STAB1: variants seen among roughly 807,000 people sequenced by gnomAD.
The protein encoded by STAB1 is stabilin-1.
Under a neutral mutation model 332.4 loss-of-function variants are expected in STAB1, and 250 were observed. The ratio of observed to expected loss-of-function variants is 0.75; its 90% confidence interval spans 0.68 to 0.84. The LOEUF (loss-of-function observed/expected upper bound fraction) is 0.84. Among genes scored for constraint, STAB1 ranks in the 40% least tolerant of loss-of-function variants. The pLI, the probability that STAB1 is intolerant of heterozygous loss-of-function variation, is 0.00. For synonymous variants in STAB1, 1,475 were observed against 1,390.4 expected, an observed-to-expected ratio of 1.06 and a Z score of -1.35; for missense variants, 3,249 against 3,489.7, an observed-to-expected ratio of 0.93 and a Z score of 1.74.
chr3:52,510,028 C>A lies in STAB1; in HGVS notation c.2506C>A (p.Arg836Ser). 8 of 1,607,816 alleles carry A rather than the reference C, an allele frequency of 5.0e-6. No individual in the cohort carries two copies. The highest frequency in any genetic ancestry group is 6.8e-6 in the Non-Finnish European group (8 of 1,176,378). Residue 836 changes from arginine (R) to serine (S), a missense_variant, in exon 23 of 69, where the codon CGC (arginine) becomes AGC (serine). Transcript: ENST00000321725. ...GGCCCAGCACTGCCACCTGCATGCC[C>A]GCTGTGTTAGCCAGGAGGGTGTTGC... is the stretch of plus-strand genomic sequence containing the variant. ...GLAQHCHLHA[R>S]CVSQEGVARC...
At position 52,518,820 on chromosome 3, in the gene STAB1, G is replaced by T; in HGVS notation, c.4985G>T (p.Gly1662Val). The change falls in exon 48 of 69, where the codon GGG becomes GTG. Residue 1662 changes from glycine (G) to valine (V), a missense_variant. Gly to Val is a moderately radical substitution (Grantham distance 109, BLOSUM62 -3). Transcript: ENST00000321725. ...CGGAGCGAGGACCTGCTGGAGCAGG[G>T]GTACGCCACGGCCCTCTCAGGGCAC... ...RLRSEDLLEQ[G>V]YATALSGHPL... The T allele has an allele frequency of 6.2e-7, 1 of 1,610,106 alleles. No individual in the cohort carries two copies. Among genetic ancestry groups the T allele is most frequent in the Non-Finnish European group, 8.5e-7 (1 of 1,179,536 alleles).
chr3:52,510,139 CA>C lies in STAB1; in HGVS notation c.2535-2del. 1 of 1,614,000 alleles carries C rather than the reference CA, an allele frequency of 6.2e-7. No individual in the cohort carries two copies. The highest frequency in any genetic ancestry group is 8.5e-7 in the Non-Finnish European group (1 of 1,180,030). ...TGGAGCCCCCTCCTTCACCCACCCC[CA>C]GATGTCGCTGTCTTGATGGCTTTGA... On this transcript the variant is annotated splice_acceptor_variant, in intron 23 of 68. Coordinates refer to ENST00000321725, the MANE Select transcript of STAB1 (RefSeq NM_015136.3). LOFTEE classifies it high-confidence loss of function.
chr3:52,506,787 G>A lies in STAB1; in HGVS notation c.1926G>A (p.Leu642=), dbSNP rs1243362886. The stretch of plus-strand genomic sequence containing the variant: ...TCCACATGCTGGACGGCATCCTGCT[G>A]CCCCCGACCATCCTGCCCATCCTGC... ...GVIHMLDGIL[L]PPTILPILPK... The change falls in exon 18 of 69, where the codon CTG becomes CTA. Residue 642 remains leucine (L), a synonymous_variant. Transcript: ENST00000321725. 6.2e-7 allele frequency: 1 copy of A among 1,613,070 alleles called. No homozygotes were observed. The highest frequency in any genetic ancestry group is 1.3e-5 in the African/African-American group (1 of 74,950).
rs1222644603 is a variant in STAB1, at chr3:52,502,203, C to A, written c.462C>A (p.Asn154Lys). 1 of 1,612,992 alleles carries A rather than the reference C, an allele frequency of 6.2e-7. No homozygotes were observed. Among genetic ancestry groups the A allele is most frequent in the Admixed American group, 1.7e-5 (1 of 60,016 alleles). ...GSACQECQDP[N>K]RFGPDCQSVC... ...CCTGCCAGGAGTGCCAAGACCCCAACCGGTTCGGGCCTGACTGCCAATCGG... is the reference window on the plus strand; with the variant it reads ...CCTGCCAGGAGTGCCAAGACCCCAAACGGTTCGGGCCTGACTGCCAATCGG... The change falls in exon 5 of 69, where the codon AAC (asparagine) becomes AAA (lysine). Residue 154 changes from asparagine (N) to lysine (K), a missense_variant. Physicochemically the swap from Asn to Lys is moderately conservative, Grantham distance 94. Transcript: ENST00000321725.
chr3:52,510,262 G>A, intron 24 of STAB1, 27 bp downstream of exon 24: 2 of 1,614,044 alleles, frequency 1.2e-6, no homozygotes. Context: ...CTTCCCTGAA[G>A]TTCTGACCCA....
intron 21 of STAB1, 80 bp from the exon 22 acceptor site, chr3:52,509,130 A>G: frequency 1.5e-6 from 2 of 1,320,822 alleles, no homozygotes; most frequent in East Asian, 2.4e-5. Flanking sequence ...GAGCCAGCCC[A>G]TGAAAGGAGG....
intron 1 of STAB1, among the ~76,000 whole-genome samples, chr3:52,495,949 C>T (rs1446381204): frequency 2.6e-5 from 4 of 152,216 alleles, no homozygotes; most frequent in Admixed American, 2.6e-4. Context: ...GAGTCACTCA[C>T]CCTTAGTGTC....
intron 45 of STAB1, 151 bp from the exon 46 acceptor site, chr3:52,518,161 C>T (rs2078939309): frequency 6.7e-6 from 10 of 1,485,656 alleles, no homozygotes; most frequent in African/African-American, 1.4e-5. Flanking sequence ...CCAGCTATGA[C>T]CCATGAAACT....
Position 52,523,756 on chromosome 3 carries a change from C to G in STAB1, c.7395C>G (p.Pro2465=). 1 of 1,597,166 alleles carries G rather than the reference C, an allele frequency of 6.3e-7. No homozygotes were observed. Among genetic ancestry groups the G allele is most frequent in the South Asian group, 1.1e-5 (1 of 90,630 alleles). The change falls in exon 66 of 69, where the codon CCC becomes CCG. Residue 2465 remains proline, a splice_region_variant and synonymous_variant. Coordinates refer to ENST00000321725, the MANE Select transcript of STAB1 (RefSeq NM_015136.3). ...GCCCCCTCCTGGCACCCCCACAGCC[C>G]GTGAGTTGAGGAAGGGGGAGGCAGA... ...LASPLLAPPQ[P]QAVLAPEAPP...
intron 34 of STAB1, 51 bp downstream of exon 34, chr3:52,514,547 A>C: frequency 6.5e-7 from 1 of 1,529,880 alleles, no homozygotes; most frequent in Non-Finnish European, 8.8e-7. Flanking sequence ...CTACCCCTGA[A>C]GATCCCTTCC....
At chr3:52,513,092 A>T (rs538487642) in intron 29 of STAB1, 38 bp from the exon 30 acceptor site, 121 of 1,554,140 alleles carry the variant, frequency 7.8e-5, no homozygotes, top group Non-Finnish European at 1.0e-4. Context: ...AGTTACACTA[A>T]CCTGATTCCA....
rs1225446118 is a variant in STAB1 at position 52,513,175 on chromosome 3, G to C, written c.3204G>C (p.Arg1068=). ...CCCTCTTCGAGGAGGAGCTGGCCCG[G>C]CTGGGTGGGCAGGAAGTGGCCACCC... The part of the protein sequence containing the change: ...QGALFEEELA[R]LGGQEVATLN... Residue 1068 remains arginine, a synonymous_variant, in exon 30 of 69, where the codon CGG becomes CGC. Transcript: ENST00000321725. The C allele has an allele frequency of 1.3e-6, 2 of 1,584,162 alleles. No individual in the cohort carries two copies. Among genetic ancestry groups the C allele is most frequent in the Non-Finnish European group, 1.7e-6 (2 of 1,165,708 alleles).
Position 52,501,697 on chromosome 3 carries a change from G to T in STAB1, c.275G>T (p.Arg92Leu), listed in dbSNP as rs775153736. The change falls in exon 3 of 69, where the codon CGG becomes CTG. Residue 92 changes from arginine to leucine, a missense_variant. By Grantham distance (102) the Arg-to-Leu change is moderately radical. Coordinates refer to ENST00000321725, the MANE Select transcript of STAB1 (RefSeq NM_015136.3). ...VSMSGCRRKC[R>L]KQVVQKACCP... ...ATGAGCGGCTGCAGACGGAAGTGCC[G>T]GAAGCAAGTGGTGCAGAAGGCCTGC... 6.3e-7 allele frequency: 1 copy of T among 1,582,236 alleles called. No individual in the cohort carries two copies. Among genetic ancestry groups the T allele is most frequent in the South Asian group, 1.2e-5 (1 of 86,484 alleles).
In STAB1 at chr3:52,518,003, G is replaced by A. The variant is rs902540330; in HGVS notation, c.4761G>A (p.Leu1587=). The A allele has an allele frequency of 1.2e-6, 2 of 1,601,840 alleles. No individual in the cohort carries two copies. The highest frequency in any genetic ancestry group is 1.8e-5 in the Admixed American group (1 of 56,622). ...TCACCTGCCGTGCCCGAGTCGGCCT[G>A]GTAATGATGCCCAAGTCAGACCCCT... ...DGLTCRARVG[L]ELLRDKHASF... Residue 1587 remains leucine (L), a splice_region_variant and synonymous_variant, in exon 45 of 69, where the codon CTG becomes CTA. Transcript: ENST00000321725.
rs765445606 is a variant in STAB1, at chr3:52,516,722, C to A, written c.4317C>A (p.Thr1439=). 1.9e-6 allele frequency: 3 copies of A among 1,612,108 alleles called. No homozygotes were observed. The highest frequency in any genetic ancestry group is 1.7e-6 in the Non-Finnish European group (2 of 1,179,840). ...TGCAGGACTCGGCCGGAGCCTCCACCTGCGCCTGTGCTGCGGGATACTCCG... is the reference window on the plus strand; with the variant it reads ...TGCAGGACTCGGCCGGAGCCTCCACATGCGCCTGTGCTGCGGGATACTCCG... ...NCVQDSAGAS[T]CACAAGYSGN... is the part of the protein sequence containing the mutation. The change falls in exon 41 of 69, where the codon ACC becomes ACA. Residue 1439 remains threonine, a synonymous_variant. Transcript: ENST00000321725.
chr3:52,518,111 T>G (rs1425412993), intron 45 of STAB1, 108 bp downstream of exon 45: 1 of 1,520,212 alleles, frequency 6.6e-7, no homozygotes, highest in Non-Finnish European at 8.8e-7. Context: ...GCCCTGACCA[T>G]GACACTGAGC....
Position 52,520,013 on chromosome 3 carries a change from G to A in STAB1, c.5305G>A (p.Ala1769Thr), listed in dbSNP as rs560575582. 4 of 1,612,192 alleles carry A rather than the reference G, an allele frequency of 2.5e-6. No individual in the cohort carries two copies. The highest frequency in any genetic ancestry group is 2.2e-5 in the South Asian group (2 of 91,068). The change falls in exon 51 of 69, where the codon GCC (alanine) becomes ACC (threonine). Residue 1769 changes from alanine to threonine, a missense_variant. Ala to Thr is a moderately conservative substitution (Grantham distance 58). Coordinates refer to ENST00000321725, the MANE Select transcript of STAB1 (RefSeq NM_015136.3). ...RPFTMLWPTD[A>T]AFRALPPDRQ... ...CTTCACAATGCTGTGGCCCACAGAC[G>A]CCGCCTTTCGAGCTCTGCCTCCGGA...
chr3:52,504,314 T>G, intron 10 of STAB1, 147 bp from the exon 11 acceptor site: 2 of 1,384,840 alleles, frequency 1.4e-6, no homozygotes, highest in Non-Finnish European at 2.0e-6. Flanking sequence ...GGAGCTGCTC[T>G]CCAACCTCAA....
At position 52,503,441 on chromosome 3, in the gene STAB1, T is replaced by G. The variant is rs373700812; in HGVS notation, c.792T>G (p.His264Gln). 1 of 1,613,662 alleles carries G rather than the reference T, an allele frequency of 6.2e-7. No individual in the cohort carries two copies. Among genetic ancestry groups the G allele is most frequent in the Non-Finnish European group, 8.5e-7 (1 of 1,180,028 alleles). The change falls in exon 8 of 69, where the codon CAT (histidine) becomes CAG (glutamine). Residue 264 changes from histidine (H) to glutamine (Q), a missense_variant. Physicochemically the swap from His to Gln is conservative, Grantham distance 24. Transcript: ENST00000321725. ...AGTGTCACTGCCCTGAGAACTACCA[T>G]GGCGATGGGATGGTGTGTCTGCCCA... is the stretch of plus-strand genomic sequence containing the variant. Reference protein sequence around the residue: ...QAQCHCPENYHGDGMVCLPKD... With the variant: ...QAQCHCPENYQGDGMVCLPKD...
Sources: allele counts gnomAD v4.1 joint callset (sites outside exome capture counted in the v4.1 genomes callset), GRCh38; gene constraint gnomAD v4.1.1; transcripts MANE v1.5; gene names NCBI Gene and HGNC (gene_info 2026-07-23, HGNC 2026-07-21).